DTWD2: variants seen among roughly 807,000 people sequenced by gnomAD.
DTWD2 encodes DTW motif tRNA-uridine aminocarboxypropyltransferase 2.
A neutral mutation model predicts 31.8 loss-of-function variants in DTWD2; 39 were observed. The ratio of observed to expected loss-of-function variants is 1.22; its 90% confidence interval spans 0.95 to 1.60. DTWD2 has a LOEUF of 1.60. DTWD2 is among the 40% of genes most tolerant of loss of function. The pLI is 0.00. For synonymous variants in DTWD2, 180 were observed against 142.8 expected (o/e 1.26, Z -1.86); for missense variants, 515 against 381.5 (o/e 1.35, Z -2.92).
chr5:118,888,685 C>T (rs564747260), intron 4 of DTWD2, among the ~76,000 whole-genome samples: 7 of 152,164 alleles, frequency 4.6e-5, no homozygotes, highest in African/African-American at 1.7e-4. Flanking sequence ...TGCCAAAATA[C>T]GTTTCAGAGT....
At chr5:118,876,142 C>T (rs529630382) in intron 4 of DTWD2, among the ~76,000 whole-genome samples, 1 of 152,250 alleles carries the variant, frequency 6.6e-6, no homozygotes, top group Non-Finnish European at 1.5e-5. Context: ...AAATCAAGAA[C>T]TTCTTTGAAA....
chr5:118,866,201 C>T (rs965028289), intron 4 of DTWD2, among the ~76,000 whole-genome samples: 11 of 152,178 alleles, frequency 7.2e-5, no homozygotes, highest in East Asian at 3.9e-4. Context: ...AGTTGTTTAA[C>T]GCCAGAGAAG....
At chr5:118,875,213 A>G (rs1219237206) in intron 4 of DTWD2, among the ~76,000 whole-genome samples, 1 of 152,178 alleles carries the variant, frequency 6.6e-6, no homozygotes, top group African/African-American at 2.4e-5. Context: ...AGCACTAAAT[A>G]TGGAAAGGAA....
rs1554072595 is a variant in DTWD2 at position 118,985,517 on chromosome 5, T to TATATATATATACAC, written c.218+2776_218+2777insGTGTATATATATAT. On this transcript the variant is annotated intron_variant, in intron 1 of 5. Coordinates refer to ENST00000510708, the MANE Select transcript of DTWD2 (RefSeq NM_173666.4). Reference sequence around the variant, plus strand: ...ATATATATATATATATATATATATATACACACACATATATACATACATATA... The same window carrying TATATATATATACAC: ...ATATATATATATATATATATATATATATATATATATACACACACACACATATATACATACATATA... Among the ~76,000 whole-genome samples the TATATATATATACAC allele has an allele frequency of 2.5e-4, 27 of 107,736 alleles. No individual in the cohort carries two copies. The South Asian group carries it at 2.8e-3, about 11-fold the overall frequency. 70.7% of individuals were successfully genotyped at this position (107,736 alleles called of 152,430 possible). A position where few individuals can be genotyped will look rare whatever the true frequency, so the allele number is the denominator to read the frequency against.
chr5:118,898,343 C>G (rs1358332390), intron 4 of DTWD2, among the ~76,000 whole-genome samples: 1 of 152,000 alleles, frequency 6.6e-6, no homozygotes, highest in African/African-American at 2.4e-5. Flanking sequence ...CAATGAATCC[C>G]TGATCAGCAA....
intron 1 of DTWD2, among the ~76,000 whole-genome samples, chr5:118,976,989 A>T (rs1251245450): frequency 1.3e-5 from 2 of 152,248 alleles, no homozygotes; most frequent in East Asian, 3.8e-4. Context: ...GTTATCCACC[A>T]TGATCAAGTC....
At chr5:118,871,975 T>C (rs1298421693) in intron 4 of DTWD2, among the ~76,000 whole-genome samples, 1 of 152,238 alleles carries the variant, frequency 6.6e-6, no homozygotes, top group Non-Finnish European at 1.5e-5. Flanking sequence ...CTAGATATTC[T>C]GGATAGCTTG....
chr5:118,984,093 C>T (rs1420320780), intron 1 of DTWD2, among the ~76,000 whole-genome samples: 1 of 152,154 alleles, frequency 6.6e-6, no homozygotes, highest in African/African-American at 2.4e-5. Context: ...TCGAGACCAG[C>T]CTGACCAACA....
intron 4 of DTWD2, among the ~76,000 whole-genome samples, chr5:118,864,641 A>AT (rs148477762): frequency 7.0e-4 from 102 of 145,512 alleles, no homozygotes; most frequent in Middle Eastern, 3.5e-3. Context: ...ATTTTATTTT[A>AT]TTTTTTTTTT....
chr5:118,944,677 G>A (rs1352929375), intron 1 of DTWD2, 28 bp from the exon 2 acceptor site: 2 of 1,597,380 alleles, frequency 1.3e-6, no homozygotes, highest in Non-Finnish European at 1.7e-6. Flanking sequence ...AAATAAAACT[G>A]GTAAATTTTA....
chr5:118,880,157 G>T (rs2561841), intron 4 of DTWD2, among the ~76,000 whole-genome samples: 152,064 of 152,328 alleles, frequency 1, 75,909 homozygotes, highest in Middle Eastern at 1. Context: ...TTTTGTCACT[G>T]TAAGCTATTT....
At chr5:118,884,813 T>C (rs894594908) in intron 4 of DTWD2, among the ~76,000 whole-genome samples, 4 of 151,272 alleles carry the variant, frequency 2.6e-5, no homozygotes, top group Non-Finnish European at 5.9e-5. Context: ...CAGACCATCC[T>C]GGCTAACACG....
intron 4 of DTWD2, among the ~76,000 whole-genome samples, chr5:118,914,474 C>G (rs76008215): frequency 0.027 from 4,046 of 152,212 alleles, 63 homozygotes; most frequent in Non-Finnish European, 0.026. Flanking sequence ...ACACCCATAT[C>G]AATTATATTA....
intron 1 of DTWD2, among the ~76,000 whole-genome samples, chr5:118,987,821 G>A (rs972189161): frequency 2.0e-5 from 3 of 152,162 alleles, no homozygotes; most frequent in Non-Finnish European, 4.4e-5. Flanking sequence ...TGGGACGTAT[G>A]TAGGGTTTGA....
intron 4 of DTWD2, among the ~76,000 whole-genome samples, chr5:118,901,768 AATT>A (rs1303803557): frequency 1.3e-5 from 2 of 152,082 alleles, no homozygotes; most frequent in African/African-American, 2.4e-5. Context: ...CTTCATTGGG[AATT>A]ATTATTATTA....
intron 1 of DTWD2, among the ~76,000 whole-genome samples, chr5:118,972,472 G>C (rs1755009463): frequency 2.0e-5 from 3 of 152,146 alleles, no homozygotes; most frequent in Admixed American, 1.3e-4. Context: ...AACCAAGGCA[G>C]TAATTAAATA....
At chr5:118,869,217 G>A (rs1039584542) in intron 4 of DTWD2, among the ~76,000 whole-genome samples, 33 of 152,192 alleles carry the variant, frequency 2.2e-4, no homozygotes, top group African/African-American at 7.5e-4. Flanking sequence ...TTTTATATGT[G>A]TATTTTACCA....
intron 4 of DTWD2, among the ~76,000 whole-genome samples, chr5:118,894,828 C>G (rs1753047105): frequency 6.6e-6 from 1 of 152,030 alleles, no homozygotes; most frequent in Non-Finnish European, 1.5e-5. Flanking sequence ...GATAAAAACC[C>G]TCAACAAACC....
chr5:118,919,271 T>G (rs1753648747), intron 4 of DTWD2, among the ~76,000 whole-genome samples: 1 of 152,208 alleles, frequency 6.6e-6, no homozygotes, highest in Non-Finnish European at 1.5e-5. Context: ...AGAGCTTACA[T>G]AGGAACTGCC....
Sources: allele counts gnomAD v4.1 joint callset (sites outside exome capture counted in the v4.1 genomes callset), GRCh38; gene constraint gnomAD v4.1.1; transcripts MANE v1.5; gene names NCBI Gene and HGNC (gene_info 2026-07-23, HGNC 2026-07-21).